The following TESPA1 variants were observed in gnomAD, a reference collection of about 807,000 sequenced individuals.
The protein encoded by TESPA1 is thymocyte expressed, positive selection associated 1, also known as protein TESPA1.
TESPA1 carries 33 observed loss-of-function variants against 57.9 expected under a neutral mutation model. That is an observed-to-expected ratio of 0.57 (90% CI 0.43 to 0.76). The LOEUF (loss-of-function observed/expected upper bound fraction) is 0.76. Ranked by LOEUF, TESPA1 falls within the 30% of genes least tolerant of loss-of-function variation. The probability of loss-of-function intolerance (pLI) is 0.00; values close to 1 mark genes in which losing one functional copy is unlikely to be tolerated. For synonymous variants in TESPA1, 227 were observed against 228.9 expected (o/e 0.99, Z 0.07); for missense variants, 618 against 632.9 (o/e 0.98, Z 0.25).
intron 10 of TESPA1, among the ~76,000 whole-genome samples, chr12:54,952,694 C>T (rs1410780309): frequency 5.3e-5 from 8 of 152,148 alleles, no homozygotes; most frequent in East Asian, 3.8e-4. Flanking sequence ...GTCTTTGGAC[C>T]AGGTCAAGCA....
In TESPA1 at chr12:54,963,238, C is replaced by A. The variant is rs763793318; in HGVS notation, c.660G>T (p.Arg220Ser). ...CAGCCAGTGTTTGCACCTGCTTAAACCTGCCTGGGTACAAGAGTTAAAGAT... is the reference window on the plus strand; with the variant it reads ...CAGCCAGTGTTTGCACCTGCTTAAAACTGCCTGGGTACAAGAGTTAAAGAT... ...MEDPCLMLAS[R>S]FKQVQTLAVT... Residue 220 changes from arginine (R) to serine (S), a missense_variant, in exon 9 of 11, where the codon AGG (arginine) becomes AGT (serine). Around this residue, in one of 3 missense-constraint regions of TESPA1, gnomAD observed 409 missense variants for 420.1 expected, o/e 0.97. Coordinates refer to ENST00000449076, the MANE Select transcript of TESPA1 (RefSeq NM_001136030.3). 42 of 1,609,986 alleles carry A rather than the reference C, an allele frequency of 2.6e-5. No individual in the cohort carries two copies. Among genetic ancestry groups the A allele is most frequent in the Admixed American group, 1.7e-5 (1 of 59,468 alleles).
rs147425981 is a variant in TESPA1 at position 54,952,784 on chromosome 12, T to A, written c.*2-2394A>T. 3.1e-3 allele frequency among the ~76,000 whole-genome samples: 469 copies of A among 152,292 alleles called. 3 individuals carry two copies. Among genetic ancestry groups the A allele is most frequent in the South Asian group, 0.018 (87 of 4,822 alleles). Reference sequence around the variant, plus strand: ...ATCTACATTTGCATGAGAGTCATTATTTTACCTTTTTGAAAATTATACTTT... The same window carrying A: ...ATCTACATTTGCATGAGAGTCATTAATTTACCTTTTTGAAAATTATACTTT... On this transcript the variant is annotated intron_variant, in intron 10 of 10. Coordinates refer to ENST00000449076, the MANE Select transcript of TESPA1 (RefSeq NM_001136030.3).
At chr12:54,979,504 C>A (rs1396657483) in intron 1 of TESPA1, among the ~76,000 whole-genome samples, 2 of 152,188 alleles carry the variant, frequency 1.3e-5, no homozygotes. Context: ...TTCTACATTT[C>A]TCTAGACGTT....
At chr12:54,955,979 C>CT (rs1417526553) in intron 10 of TESPA1, among the ~76,000 whole-genome samples, 1 of 152,106 alleles carries the variant, frequency 6.6e-6, no homozygotes, top group Non-Finnish European at 1.5e-5. Context: ...GTATCATCAT[C>CT]TATAAAATGG....
Position 54,966,076 on chromosome 12 carries a change from C to A in TESPA1, c.423G>T (p.Gly141=). The part of the protein sequence containing the change: ...GCSLASSSMT[G]GTNKTSSSIS... Reference sequence around the variant, plus strand: ...ACCTTGAACTAGTCTTGTTGGTCCCCCCAGTCATGCTGCTGGAAGCCAAAC... The same window carrying A: ...ACCTTGAACTAGTCTTGTTGGTCCCACCAGTCATGCTGCTGGAAGCCAAAC... Residue 141 remains glycine, a synonymous_variant, in exon 7 of 11, where the codon GGG becomes GGT. Transcript: ENST00000449076. 1 of 1,576,778 alleles carries A rather than the reference C, an allele frequency of 6.3e-7. No homozygotes were observed. Among genetic ancestry groups the A allele is most frequent in the Non-Finnish European group, 8.6e-7 (1 of 1,160,112 alleles).
intron 10 of TESPA1, among the ~76,000 whole-genome samples, chr12:54,951,664 A>T (rs1403219301): frequency 6.6e-6 from 1 of 152,188 alleles, no homozygotes; most frequent in Admixed American, 6.5e-5. Flanking sequence ...TCTAGTCACA[A>T]ATACAATGGT....
chr12:54,974,544 T>C lies in TESPA1; in HGVS notation c.19A>G (p.Ser7Gly). Residue 7 changes from serine to glycine, a missense_variant, in exon 2 of 11, where the codon AGC becomes GGC. Around this residue, in one of 3 missense-constraint regions of TESPA1, gnomAD observed 199 missense variants for 184.0 expected, o/e 1.08. Transcript: ENST00000449076. ...CGCCGTTTCTCCCAGGATGTGGGGC[T>C]CAGCACAGAGGCCTCCATGGCCCTG... MEASVL[S>G]PTSWEKRRAW... The C allele has an allele frequency of 6.3e-7, 1 of 1,596,214 alleles. No homozygotes were observed.
rs1951197402 is a variant in TESPA1, at chr12:54,963,154, C to A, written c.744G>T (p.Lys248Asn). 6.8e-6 allele frequency: 11 copies of A among 1,613,868 alleles called. No individual in the cohort carries two copies. The highest frequency in any genetic ancestry group is 9.3e-6 in the Non-Finnish European group (11 of 1,179,884). ...TCCAGAACATGTGGGATGGTGTGAA[C>A]TTTTGGACAGGTGTCTTAGACACAT... ...YSYVSKTPVQ[K>N]FTPSHMFWNC... The change falls in exon 9 of 11, where the codon AAG becomes AAT. Residue 248 changes from lysine to asparagine, a missense_variant. Coordinates refer to ENST00000449076, the MANE Select transcript of TESPA1 (RefSeq NM_001136030.3).
At chr12:54,966,499 T>C (rs1951442249) in intron 5 of TESPA1, 75 bp from the exon 6 acceptor site, 1 of 1,527,558 alleles carries the variant, frequency 6.5e-7, no homozygotes, top group African/African-American at 1.4e-5. Context: ...CCTCTGAACC[T>C]AAAACTCAGT....
At chr12:54,954,001 T>A (rs1950576354) in intron 10 of TESPA1, among the ~76,000 whole-genome samples, 1 of 152,260 alleles carries the variant, frequency 6.6e-6, no homozygotes, top group African/African-American at 2.4e-5. Context: ...TTATTCTGTA[T>A]AATGCTTCTC....
intron 10 of TESPA1, among the ~76,000 whole-genome samples, chr12:54,954,176 T>G (rs1013555686): frequency 6.6e-6 from 1 of 152,136 alleles, no homozygotes; most frequent in African/African-American, 2.4e-5. Context: ...AAACTTCTGC[T>G]CAATCAGGGC....
intron 10 of TESPA1, among the ~76,000 whole-genome samples, chr12:54,954,696 T>C (rs1052138984): frequency 1.1e-4 from 17 of 152,134 alleles, no homozygotes; most frequent in African/African-American, 3.9e-4. Flanking sequence ...AGAAATATTG[T>C]CTCATATAAG....
intron 7 of TESPA1, among the ~76,000 whole-genome samples, chr12:54,964,482 T>A (rs1306278887): frequency 6.6e-6 from 1 of 152,334 alleles, no homozygotes; most frequent in Middle Eastern, 3.4e-3. Context: ...CTAGCACTAT[T>A]TTCAGTACAG....
At chr12:54,984,134 C>T (rs1175720759) in intron 1 of TESPA1, 1 of 152,166 alleles carries the variant, frequency 6.6e-6, no homozygotes, top group Admixed American at 6.5e-5. Flanking sequence ...CAGGTACTCT[C>T]AATGGTTGGA....
chr12:54,983,588 G>A (rs1175129737), intron 1 of TESPA1, among the ~76,000 whole-genome samples: 1 of 152,232 alleles, frequency 6.6e-6, no homozygotes, highest in South Asian at 2.1e-4. Context: ...ACCATTTGTG[G>A]TATACAGAGT....
In TESPA1 at chr12:54,963,847, G is replaced by A. The variant is rs1951242953; in HGVS notation, c.550C>T (p.Arg184Ter). Residue 184 changes from arginine (R) to a stop codon, truncating the protein, a stop_gained, in exon 8 of 11, where the codon CGA (arginine) becomes TGA (stop). Transcript: ENST00000449076. LOFTEE classifies it high-confidence loss of function. ...GCCTGAGAGGGGGTGGTGAAAAATCGGGCGGGTATCCGAGAAGTGTCTTTG... is the reference window on the plus strand; with the variant it reads ...GCCTGAGAGGGGGTGGTGAAAAATCAGGCGGGTATCCGAGAAGTGTCTTTG... ...DHKDTSRIPA[R>*]FFTTPSQAKG... is the part of the protein sequence containing the mutation. The A allele has an allele frequency of 3.1e-6, 5 of 1,613,860 alleles. No individual in the cohort carries two copies. Among genetic ancestry groups the A allele is most frequent in the East Asian group, 2.2e-5 (1 of 44,886 alleles).
intron 1 of TESPA1, among the ~76,000 whole-genome samples, chr12:54,975,594 G>C (rs762171091): frequency 6.6e-6 from 1 of 152,042 alleles, no homozygotes; most frequent in Non-Finnish European, 1.5e-5. Context: ...GCAAATAGGA[G>C]TGGGGCTGAA....
chr12:54,964,067 T>C, intron 7 of TESPA1, 117 bp from the exon 8 acceptor site: 1 of 1,050,238 alleles, frequency 9.5e-7, no homozygotes, highest in Non-Finnish European at 1.4e-6. Flanking sequence ...TCCATTTCTC[T>C]ACTTTTCACT....
intron 3 of TESPA1, among the ~76,000 whole-genome samples, chr12:54,969,105 C>CA (rs1480054756): frequency 2.1e-4 from 30 of 145,128 alleles, no homozygotes; most frequent in African/African-American, 7.4e-4. Context: ...CTTTCAATAG[C>CA]AAAAAAATCA....
Sources: gnomAD v4.1 joint callset for allele counts (sites outside exome capture counted in the v4.1 genomes callset) on GRCh38, gnomAD v4.1.1 for gene constraint, gnomAD v4.1.1 regional missense constraint, MANE v1.5 for transcripts, NCBI Gene and HGNC (gene_info 2026-07-23, HGNC 2026-07-21) for gene names.